Variants in DIP2C observed in about 807,000 individuals in gnomAD.
The protein encoded by DIP2C is disco-interacting protein 2 homolog C.
DIP2C carries 33 observed loss-of-function variants against 192.4 expected under a neutral mutation model. The observed-to-expected ratio is 0.17, with a 90% CI of 0.13 to 0.23. DIP2C has a LOEUF of 0.23. Among genes scored for constraint, DIP2C ranks in the 10% least tolerant of loss-of-function variants. DIP2C has a pLI of 1.00. For missense variants in DIP2C, 1,537 were observed against 2,110.1 expected, an observed-to-expected ratio of 0.73 and a Z score of 5.32; for synonymous variants, 979 against 864.1, an observed-to-expected ratio of 1.13 and a Z score of -2.33.
Position 575,043 on chromosome 10 carries a change from G to T in DIP2C, c.86-88513C>A, listed in dbSNP as rs187783168. ...GGAGATGCCAGGCGCTCACAAACTGGTATCAATCAGTCTGCTGGTCTTGGC... is the reference window on the plus strand; with the variant it reads ...GGAGATGCCAGGCGCTCACAAACTGTTATCAATCAGTCTGCTGGTCTTGGC... On this transcript the variant is annotated intron_variant, in intron 1 of 36. Coordinates refer to ENST00000280886, the MANE Select transcript of DIP2C (RefSeq NM_014974.3). Among the ~76,000 whole-genome samples the T allele has an allele frequency of 1.5e-3, 226 of 152,196 alleles. 4 individuals are homozygous for T. In the South Asian group the frequency reaches 0.018, roughly 12 times the overall value.
intron 1 of DIP2C, among the ~76,000 whole-genome samples, chr10:593,756 G>T (rs1316846380): frequency 6.6e-6 from 1 of 152,126 alleles, no homozygotes; most frequent in African/African-American, 2.4e-5. Context: ...CCTCCGATAG[G>T]GCCTCCTTTA....
At chr10:299,288 A>G (rs1007644142) in intron 32 of DIP2C, among the ~76,000 whole-genome samples, 2 of 152,224 alleles carry the variant, frequency 1.3e-5, no homozygotes, top group African/African-American at 4.8e-5. Flanking sequence ...TATTTAATCT[A>G]TAGCCTCTCT....
chr10:622,903 C>T (rs1853960342), intron 1 of DIP2C, among the ~76,000 whole-genome samples: 1 of 152,200 alleles, frequency 6.6e-6, no homozygotes, highest in African/African-American at 2.4e-5. Context: ...GGAATTAGAG[C>T]TCGAGAAGCT....
chr10:311,294 G>A (rs943842457), intron 31 of DIP2C, among the ~76,000 whole-genome samples: 11 of 152,228 alleles, frequency 7.2e-5, no homozygotes, highest in African/African-American at 2.4e-4. Context: ...GAAGAATTAA[G>A]TACAACAGAG....
intron 1 of DIP2C, among the ~76,000 whole-genome samples, chr10:645,457 C>A (rs1855400387): frequency 6.6e-6 from 1 of 152,210 alleles, no homozygotes; most frequent in Non-Finnish European, 1.5e-5. Flanking sequence ...TGCTCCATCT[C>A]TAACGCCAAG....
intron 3 of DIP2C, among the ~76,000 whole-genome samples, chr10:454,952 T>C (rs35476671): frequency 0.16 from 24,376 of 152,050 alleles, 5,043 homozygotes; most frequent in African/African-American, 0.48. Flanking sequence ...CTTCCATCTT[T>C]TGAAGTCATA....
chr10:427,713 A>G (rs1966683314), intron 4 of DIP2C, among the ~76,000 whole-genome samples: 1 of 152,254 alleles, frequency 6.6e-6, no homozygotes, highest in Admixed American at 6.5e-5. Context: ...ACAATGATAT[A>G]CCATTTCACA....
intron 29 of DIP2C, among the ~76,000 whole-genome samples, chr10:330,703 T>G (rs1054527488): frequency 1.3e-5 from 2 of 151,306 alleles, no homozygotes; most frequent in African/African-American, 2.4e-5. Flanking sequence ...CATCTTGAAC[T>G]TCGGGGCTCA....
intron 36 of DIP2C, among the ~76,000 whole-genome samples, chr10:279,474 T>A (rs1408553923): frequency 6.6e-6 from 1 of 152,226 alleles, no homozygotes; most frequent in Non-Finnish European, 1.5e-5. Context: ...GTGGTGCCAG[T>A]GACTCTCAGA....
intron 1 of DIP2C, among the ~76,000 whole-genome samples, chr10:534,463 CCT>C (rs1404748720): frequency 6.6e-6 from 1 of 152,052 alleles, no homozygotes; most frequent in Non-Finnish European, 1.5e-5. Context: ...TTGTCAGGTC[CCT>C]GTTAGAAAGA....
At chr10:279,592 GC>G (rs1954705195) in intron 36 of DIP2C, among the ~76,000 whole-genome samples, 1 of 152,238 alleles carries the variant, frequency 6.6e-6, no homozygotes, top group African/African-American at 2.4e-5. Flanking sequence ...ATTCCACAGC[GC>G]TGGGTGTCAC....
At chr10:393,493 G>A (rs1963656743) in intron 10 of DIP2C, among the ~76,000 whole-genome samples, 1 of 152,156 alleles carries the variant, frequency 6.6e-6, no homozygotes, top group South Asian at 2.1e-4. Flanking sequence ...AAAACCACAG[G>A]GAAGCCAGGC....
chr10:618,783 C>T (rs1398823878), intron 1 of DIP2C, among the ~76,000 whole-genome samples: 1 of 152,224 alleles, frequency 6.6e-6, no homozygotes, highest in African/African-American at 2.4e-5. Flanking sequence ...CAGACACGTG[C>T]AGACCAGAGC....
At position 415,825 on chromosome 10, in the gene DIP2C, G is replaced by A. The variant is rs1305551462; in HGVS notation, c.803C>T (p.Pro268Leu). 5 of 1,613,662 alleles carry A rather than the reference G, an allele frequency of 3.1e-6. No homozygotes were observed. Among genetic ancestry groups the A allele is most frequent in the Non-Finnish European group, 3.4e-6 (4 of 1,179,992 alleles). ...GAATTCTCGTAAAGGTGGTCGTTTC[G>A]GTCGTTTGAGGGTATTGACAAGCTG... Reference protein sequence around the residue: ...IQQLVNTLKRPKRPPLREFFV... With the variant: ...IQQLVNTLKRLKRPPLREFFV... The change falls in exon 7 of 37, where the codon CCG becomes CTG. Residue 268 changes from proline to leucine, a missense_variant. Around this residue, in one of 4 missense-constraint regions of DIP2C, gnomAD observed 473 missense variants for 539.6 expected, o/e 0.88. Coordinates refer to ENST00000280886, the MANE Select transcript of DIP2C (RefSeq NM_014974.3).
intron 1 of DIP2C, among the ~76,000 whole-genome samples, chr10:556,394 G>A (rs763839259): frequency 4.6e-5 from 5 of 107,652 alleles, no homozygotes; most frequent in East Asian, 2.6e-4. Context: ...GCCCCGCTGC[G>A]CACACCACCA....
intron 1 of DIP2C, among the ~76,000 whole-genome samples, chr10:514,362 G>A (rs934517513): frequency 6.6e-6 from 1 of 152,172 alleles, no homozygotes; most frequent in African/African-American, 2.4e-5. Flanking sequence ...CCAGTTCGAC[G>A]GCACTCAGTC....
intron 18 of DIP2C, among the ~76,000 whole-genome samples, chr10:367,843 C>T (rs944297729): frequency 6.6e-5 from 10 of 152,270 alleles, no homozygotes; most frequent in East Asian, 1.9e-4. Flanking sequence ...GAGAAAACCC[C>T]GGAACCCAGG....
intron 18 of DIP2C, among the ~76,000 whole-genome samples, chr10:367,408 C>G (rs143487820): frequency 0.01 from 1,548 of 150,042 alleles, 36 homozygotes; most frequent in African/African-American, 0.036. Flanking sequence ...CAGCGAGACT[C>G]CGTCTCAGAA....
chr10:580,613 T>A (rs1023163392), intron 1 of DIP2C, among the ~76,000 whole-genome samples: 1 of 152,202 alleles, frequency 6.6e-6, no homozygotes, highest in East Asian at 1.9e-4. Context: ...ACATGTACAA[T>A]GGCAATACAT....
Sources: gnomAD v4.1 joint callset for allele counts (sites outside exome capture counted in the v4.1 genomes callset) on GRCh38, gnomAD v4.1.1 for gene constraint, gnomAD v4.1.1 regional missense constraint, MANE v1.5 for transcripts, NCBI Gene and HGNC (gene_info 2026-07-23, HGNC 2026-07-21) for gene names.